ANKRD44: variants seen among roughly 807,000 people sequenced by gnomAD.
ANKRD44 encodes the protein ankyrin repeat domain 44.
In ANKRD44, 35 loss-of-function variants were observed where a neutral mutation model predicts 116.0. That is an observed-to-expected ratio of 0.30 (90% CI 0.23 to 0.40). The LOEUF (loss-of-function observed/expected upper bound fraction) is 0.40, where lower values mean the gene tolerates loss of function less well. Ranked by LOEUF, ANKRD44 falls within the 10% of genes least tolerant of loss-of-function variation. ANKRD44 has a pLI of 1.00. For missense variants in ANKRD44, 1,014 were observed against 1,242.6 expected (o/e 0.82, Z 2.77); for synonymous variants, 435 against 461.8 (o/e 0.94, Z 0.74).
At chr2:197,120,053 T>A (rs1015943171) in intron 8 of ANKRD44, among the ~76,000 whole-genome samples, 1 of 152,154 alleles carries the variant, frequency 6.6e-6, no homozygotes, top group African/African-American at 2.4e-5. Context: ...AAGTCTCCCC[T>A]CAAAATCGAT....
At chr2:197,259,170 C>T (rs1157367222) in intron 1 of ANKRD44, among the ~76,000 whole-genome samples, 1 of 152,158 alleles carries the variant, frequency 6.6e-6, no homozygotes, top group African/African-American at 2.4e-5. Context: ...GATTAATGAA[C>T]TGGGTGAGTA....
chr2:197,054,859 G>A (rs899264401), intron 16 of ANKRD44, among the ~76,000 whole-genome samples: 1 of 152,228 alleles, frequency 6.6e-6, no homozygotes, highest in Non-Finnish European at 1.5e-5. Context: ...GAATATGGGA[G>A]AGATATGGTC....
intron 2 of ANKRD44, among the ~76,000 whole-genome samples, chr2:197,174,606 T>C (rs2080320585): frequency 6.6e-6 from 1 of 152,336 alleles, no homozygotes; most frequent in African/African-American, 2.4e-5. Flanking sequence ...AGGACAGTGG[T>C]TCCCCCTGGG....
Position 197,238,594 on chromosome 2 carries a change from CA to C in ANKRD44, c.28-51489del, listed in dbSNP as rs1487985053. 6.6e-5 allele frequency among the ~76,000 whole-genome samples: 10 copies of C among 152,194 alleles called. No homozygotes were observed. The South Asian group carries it at 8.3e-4, about 13-fold the overall frequency. On this transcript the variant is annotated intron_variant, in intron 1 of 27. Transcript: ENST00000282272. The stretch of plus-strand genomic sequence containing the variant: ...AAACCCAAAATAACAGTGGCTTAAT[CA>C]AGAAAGATATATATATATTTCTCCC...
chr2:196,988,659 T>A lies in ANKRD44; in HGVS notation c.*932A>T. On this transcript the variant is annotated 3_prime_UTR_variant, in exon 28 of 28. Coordinates refer to ENST00000282272, the MANE Select transcript of ANKRD44 (RefSeq NM_001195144.2). ...TTTTTGAAATATCTCACATACACTA[T>A]AAAATAGCAATTTCCAGGGTGGAAA... 2.0e-6 allele frequency: 2 copies of A among 985,264 alleles called. No homozygotes were observed. The highest frequency in any genetic ancestry group is 2.4e-6 in the Non-Finnish European group (2 of 829,770). 61.0% of individuals were successfully genotyped at this position (985,264 alleles called of 1,614,324 possible). A position where few individuals can be genotyped will look rare whatever the true frequency, so the allele number is the denominator to read the frequency against.
intron 9 of ANKRD44, among the ~76,000 whole-genome samples, chr2:197,110,216 A>C (rs11891754): frequency 0.061 from 9,336 of 152,154 alleles, 972 homozygotes; most frequent in African/African-American, 0.21. Flanking sequence ...ACCTCAGGTG[A>C]TCTGCCCACC....
At chr2:197,111,908 T>A (rs560306223) in intron 8 of ANKRD44, among the ~76,000 whole-genome samples, 1 of 152,172 alleles carries the variant, frequency 6.6e-6, no homozygotes, top group Non-Finnish European at 1.5e-5. Context: ...AATGACCAGC[T>A]GGGAATGTGT....
chr2:197,198,223 T>C (rs1337467183), intron 1 of ANKRD44: 1 of 152,248 alleles, frequency 6.6e-6, no homozygotes, highest in Admixed American at 6.5e-5. Context: ...ACAGGGATCC[T>C]ATCATGGAAG....
chr2:197,133,786 A>G (rs1453417846), intron 4 of ANKRD44, among the ~76,000 whole-genome samples: 1 of 152,136 alleles, frequency 6.6e-6, no homozygotes, highest in African/African-American at 2.4e-5. Context: ...GCATAAAATA[A>G]TGGCAATAAG....
chr2:197,232,530 C>T (rs2081888473), intron 1 of ANKRD44, among the ~76,000 whole-genome samples: 1 of 152,150 alleles, frequency 6.6e-6, no homozygotes, highest in Non-Finnish European at 1.5e-5. Flanking sequence ...TGAGGAAAAT[C>T]AATCTCTGAA....
rs1411357400 is a variant in ANKRD44, at chr2:197,110,786, G to A, written c.965C>T (p.Ser322Leu). The change falls in exon 9 of 28, where the codon TCA becomes TTA. Residue 322 changes from serine to leucine, a missense_variant. Coordinates refer to ENST00000282272, the MANE Select transcript of ANKRD44 (RefSeq NM_001195144.2). ...MTAVHGRFTR[S>L]QTLIQNGGEI... is the part of the protein sequence containing the mutation. ...CTTACCATTCTGAATGAGGGTCTGTGACCGTGTGAACCTTCCATGGACAGC... is the reference window on the plus strand; with the variant it reads ...CTTACCATTCTGAATGAGGGTCTGTAACCGTGTGAACCTTCCATGGACAGC... The A allele has an allele frequency of 6.2e-7, 1 of 1,613,800 alleles. No homozygotes were observed.
intron 9 of ANKRD44, among the ~76,000 whole-genome samples, chr2:197,106,667 G>A (rs572384555): frequency 6.6e-6 from 1 of 151,708 alleles, no homozygotes; most frequent in East Asian, 1.9e-4. Flanking sequence ...GCAGGCGCAT[G>A]TAGTCCCAGC....
At chr2:197,179,072 TA>T (rs35403965) in intron 2 of ANKRD44, among the ~76,000 whole-genome samples, 145,074 of 151,780 alleles carry the variant, frequency 0.96, 69,363 homozygotes, top group East Asian at 1. Flanking sequence ...CCCTGACTCT[TA>T]AAAAAAAAAT....
In ANKRD44 at chr2:197,259,708, G is replaced by T. The variant is rs187750197; in HGVS notation, c.27+50870C>A. ...AGCTTGGCACTAGAGACACCATGAT[G>T]AATAAGACCAGGCCCCAGCAGGAAG... is the stretch of plus-strand genomic sequence containing the variant. On this transcript the variant is annotated intron_variant, in intron 1 of 27. Transcript: ENST00000282272. Among the ~76,000 whole-genome samples, 7 of 152,276 alleles carry T rather than the reference G, an allele frequency of 4.6e-5. 1 individual carries two copies. The East Asian group carries it at 1.4e-3, about 30-fold the overall frequency.
intron 1 of ANKRD44, among the ~76,000 whole-genome samples, chr2:197,218,002 G>A (rs116369604): frequency 3.2e-4 from 48 of 152,248 alleles, no homozygotes; most frequent in African/African-American, 1.2e-3. Context: ...GGGCAATAGT[G>A]CTAGTATTTA....
At chr2:197,185,489 A>C (rs1211915488) in intron 2 of ANKRD44, among the ~76,000 whole-genome samples, 1 of 152,236 alleles carries the variant, frequency 6.6e-6, no homozygotes, top group Non-Finnish European at 1.5e-5. Context: ...AACACTAGAG[A>C]CTTTAAAGAG....
intron 1 of ANKRD44, among the ~76,000 whole-genome samples, chr2:197,284,760 C>T (rs925698937): frequency 1.3e-5 from 2 of 151,670 alleles, no homozygotes; most frequent in African/African-American, 4.9e-5. Flanking sequence ...GTGGTGTGCA[C>T]CTGTAATCCT....
intron 1 of ANKRD44, among the ~76,000 whole-genome samples, chr2:197,219,060 G>A (rs1475531498): frequency 6.9e-6 from 1 of 145,924 alleles, no homozygotes; most frequent in Non-Finnish European, 1.5e-5. Context: ...ACCATGCCTG[G>A]CTAAAGTTCC....
chr2:197,102,896 T>C (rs1279424391), intron 9 of ANKRD44, among the ~76,000 whole-genome samples: 1 of 152,094 alleles, frequency 6.6e-6, no homozygotes, highest in Non-Finnish European at 1.5e-5. Context: ...TTCTCCCAGG[T>C]TTTGTTTTTA....
Sources: gnomAD v4.1 joint callset for allele counts (sites outside exome capture counted in the v4.1 genomes callset) on GRCh38, gnomAD v4.1.1 for gene constraint, MANE v1.5 for transcripts, NCBI Gene and HGNC (gene_info 2026-07-23, HGNC 2026-07-21) for gene names.